The following FAF1 variants were observed in gnomAD, a reference collection of about 807,000 sequenced individuals.
The protein encoded by FAF1 is Fas associated factor 1, also known as FAS-associated factor 1.
Under a neutral mutation model 92.5 loss-of-function variants are expected in FAF1, and 25 were observed. That is an observed-to-expected ratio of 0.27 (90% confidence interval 0.20 to 0.38). The LOEUF is 0.38. Ranked by LOEUF, FAF1 falls within the 10% of genes least tolerant of loss-of-function variation. FAF1 has a pLI of 1.00. For missense variants in FAF1, 636 were observed against 793.3 expected (o/e 0.80, Z 2.38); for synonymous variants, 234 against 273.2 (o/e 0.86, Z 1.42).
Position 50,526,428 on chromosome 1 carries a change from T to C in FAF1, c.1494+8941A>G, listed in dbSNP as rs141277202. On this transcript the variant is annotated intron_variant, in intron 15 of 18. Coordinates refer to ENST00000396153, the MANE Select transcript of FAF1 (RefSeq NM_007051.3). ...CTGCACAAAATAGCGAGACCCCATC[T>C]CTATTAAAAATAATAATAATATTTA... 1.0e-2 allele frequency among the ~76,000 whole-genome samples: 1,513 copies of C among 151,500 alleles called. 24 individuals are homozygous for C. The highest frequency in any genetic ancestry group is 0.035 in the African/African-American group (1,434 of 41,356).
intron 8 of FAF1, among the ~76,000 whole-genome samples, chr1:50,644,369 T>C (rs1654481965): frequency 1.3e-5 from 2 of 152,228 alleles, no homozygotes; most frequent in Non-Finnish European, 2.9e-5. Context: ...CTCTGGGGAT[T>C]GTTTACCTTA....
chr1:50,793,500 G>T (rs1456870191), intron 3 of FAF1, among the ~76,000 whole-genome samples: 1 of 152,110 alleles, frequency 6.6e-6, no homozygotes, highest in Non-Finnish European at 1.5e-5. Flanking sequence ...ATTTCCCTAG[G>T]CCCTGGAGGT....
At chr1:50,760,361 C>A (rs986556875) in intron 4 of FAF1, among the ~76,000 whole-genome samples, 2 of 152,156 alleles carry the variant, frequency 1.3e-5, no homozygotes, top group African/African-American at 2.4e-5. Context: ...CAGAACTCTC[C>A]ACCCCAAATC....
intron 4 of FAF1, among the ~76,000 whole-genome samples, chr1:50,787,174 G>A (rs1475373294): frequency 6.6e-6 from 1 of 152,160 alleles, no homozygotes; most frequent in Non-Finnish European, 1.5e-5. Flanking sequence ...GAAATGGCAG[G>A]CATATACTTT....
rs549829868 is a variant in FAF1, at chr1:50,447,595, C to A, written c.1870-6072G>T. On this transcript the variant is annotated intron_variant, in intron 18 of 18. Transcript: ENST00000396153. ...CTGATAGCACTGTGAGTTGAAGGGA[C>A]CCTGAATAGCCTGACTCTCAGGAGC... Among the ~76,000 whole-genome samples, 572 of 152,262 alleles carry A rather than the reference C, an allele frequency of 3.8e-3. 1 individual carries two copies. The highest frequency in any genetic ancestry group is 6.3e-3 in the Non-Finnish European group (430 of 68,012).
chr1:50,924,146 A>G (rs1407486803), intron 1 of FAF1, among the ~76,000 whole-genome samples: 1 of 152,204 alleles, frequency 6.6e-6, no homozygotes, highest in Non-Finnish European at 1.5e-5. Context: ...TGCAGACGAC[A>G]TGATCTTACA....
intron 8 of FAF1, among the ~76,000 whole-genome samples, chr1:50,646,318 T>C (rs1276962900): frequency 6.6e-6 from 1 of 152,194 alleles, no homozygotes; most frequent in Non-Finnish European, 1.5e-5. Context: ...AAATCTGTTA[T>C]TCTACTTGCT....
chr1:50,623,562 G>A (rs1425303391), intron 8 of FAF1, among the ~76,000 whole-genome samples: 2 of 149,848 alleles, frequency 1.3e-5, no homozygotes, highest in Admixed American at 1.3e-4. Flanking sequence ...GCAACAGAGT[G>A]AGACTCTGTC....
At chr1:50,757,445 C>A (rs1006966581) in intron 4 of FAF1, among the ~76,000 whole-genome samples, 2 of 152,166 alleles carry the variant, frequency 1.3e-5, no homozygotes, top group Non-Finnish European at 2.9e-5. Context: ...TAGATATATA[C>A]ACAGTTAGGA....
At chr1:50,734,284 A>G (rs187334289) in intron 6 of FAF1, among the ~76,000 whole-genome samples, 7 of 152,336 alleles carry the variant, frequency 4.6e-5, no homozygotes, top group Admixed American at 3.9e-4. Flanking sequence ...ATCCATGAAA[A>G]TCTACTATAA....
At chr1:50,940,057 C>T (rs977408439) in intron 1 of FAF1, among the ~76,000 whole-genome samples, 10 of 152,128 alleles carry the variant, frequency 6.6e-5, no homozygotes, top group African/African-American at 9.6e-5. Context: ...ACTACAGGCA[C>T]GTACCACCAC....
chr1:50,762,009 A>C (rs1296457086), intron 4 of FAF1, among the ~76,000 whole-genome samples: 2 of 152,198 alleles, frequency 1.3e-5, no homozygotes, highest in African/African-American at 2.4e-5. Flanking sequence ...TACAAAATCA[A>C]TGTACAAAAA....
intron 1 of FAF1, among the ~76,000 whole-genome samples, chr1:50,892,849 T>C (rs568313133): frequency 6.6e-6 from 1 of 152,320 alleles, no homozygotes; most frequent in South Asian, 2.1e-4. Flanking sequence ...CCAAGATCTT[T>C]TGCCTAGAAT....
intron 13 of FAF1, among the ~76,000 whole-genome samples, chr1:50,551,178 T>G (rs1283969034): frequency 6.6e-6 from 1 of 152,188 alleles, no homozygotes; most frequent in Non-Finnish European, 1.5e-5. Context: ...ATAGCTATTA[T>G]GTCAATTTTT....
At chr1:50,770,436 A>C (rs1660738715) in intron 4 of FAF1, among the ~76,000 whole-genome samples, 1 of 152,194 alleles carries the variant, frequency 6.6e-6, no homozygotes, top group Non-Finnish European at 1.5e-5. Flanking sequence ...ATGTACGAAA[A>C]TCAGTACCAT....
At chr1:50,533,513 A>T (rs566218966) in intron 15 of FAF1, among the ~76,000 whole-genome samples, 12 of 152,344 alleles carry the variant, frequency 7.9e-5, no homozygotes, top group African/African-American at 2.9e-4. Flanking sequence ...TAGGGGACAG[A>T]CTTACAAAGA....
intron 1 of FAF1, among the ~76,000 whole-genome samples, chr1:50,935,280 G>A (rs1339802867): frequency 1.3e-5 from 2 of 152,118 alleles, no homozygotes; most frequent in East Asian, 3.8e-4. Context: ...ATTTTTCTAG[G>A]AAGGATGATC....
intron 9 of FAF1, 61 bp downstream of exon 9, chr1:50,596,060 A>C: frequency 1.6e-4 from 147 of 946,956 alleles, no homozygotes; most frequent in Non-Finnish European, 2.2e-4. Context: ...AAAAAAGGGA[A>C]GTGCGCAGGT....
chr1:50,618,040 C>A (rs944113158), intron 8 of FAF1, among the ~76,000 whole-genome samples: 3 of 152,000 alleles, frequency 2.0e-5, no homozygotes, highest in African/African-American at 7.2e-5. Context: ...TTTAGATCTT[C>A]TCTTTTTTCC....
Sources: allele counts gnomAD v4.1 joint callset (sites outside exome capture counted in the v4.1 genomes callset), GRCh38; gene constraint gnomAD v4.1.1; transcripts MANE v1.5; gene names NCBI Gene and HGNC (gene_info 2026-07-23, HGNC 2026-07-21).